The following DAP variants were observed in gnomAD, a reference collection of about 807,000 sequenced individuals.
DAP encodes the protein death associated protein.
DAP carries 8 observed loss-of-function variants against 13.8 expected under a neutral mutation model. That is an observed-to-expected ratio of 0.58 (90% confidence interval 0.34 to 1.05). The LOEUF is 1.05. Among genes scored for constraint, DAP ranks in the 50% least tolerant of loss-of-function variants. The pLI is 0.03. For synonymous variants in DAP, 47 were observed against 47.5 expected (o/e 0.99, Z 0.04); for missense variants, 106 against 133.2 (o/e 0.80, Z 1.01).
At chr5:10,739,132 G>A (rs1425617173) in intron 2 of DAP, among the ~76,000 whole-genome samples, 1 of 149,836 alleles carries the variant, frequency 6.7e-6, no homozygotes, top group Non-Finnish European at 1.5e-5. Flanking sequence ...AACCTGGGAG[G>A]TGGAGCTTGC....
At chr5:10,744,693 ACCTCC>A (rs1287240961) in intron 2 of DAP, among the ~76,000 whole-genome samples, 1 of 152,142 alleles carries the variant, frequency 6.6e-6, no homozygotes, top group Non-Finnish European at 1.5e-5. Context: ...TGGGTTGGAA[ACCTCC>A]CTAAGCTTTG....
At chr5:10,732,846 T>C (rs56271043) in intron 2 of DAP, among the ~76,000 whole-genome samples, 13,923 of 152,276 alleles carry the variant, frequency 0.091, 895 homozygotes, top group African/African-American at 0.18. Flanking sequence ...CCATTTTAAG[T>C]GTACAGCTTA....
chr5:10,689,888 A>AGT (rs1491096146), intron 2 of DAP, among the ~76,000 whole-genome samples: 3 of 152,082 alleles, frequency 2.0e-5, no homozygotes, highest in African/African-American at 7.3e-5. Flanking sequence ...AATGTCACTC[A>AGT]GTGGCAAGCT....
intron 2 of DAP, among the ~76,000 whole-genome samples, chr5:10,737,283 T>G (rs1739635491): frequency 6.6e-6 from 1 of 151,470 alleles, no homozygotes; most frequent in South Asian, 2.1e-4. Context: ...GAGGTAGAGC[T>G]TGCAGTGAGC....
chr5:10,752,071 A>C (rs899215111), intron 1 of DAP, among the ~76,000 whole-genome samples: 8 of 152,264 alleles, frequency 5.3e-5, no homozygotes, highest in Non-Finnish European at 8.8e-5. Context: ...ACTAACTATA[A>C]AGAAAACTAA....
chr5:10,680,650 C>T lies in DAP; in HGVS notation c.*406G>A. ...CCCACAGGTGTTGAGATTTTATTGG[C>T]CCATACTAAAAAGCATGCAATGACT... On this transcript the variant is annotated 3_prime_UTR_variant, in exon 4 of 4. Coordinates refer to ENST00000230895, the MANE Select transcript of DAP (RefSeq NM_004394.3). The T allele has an allele frequency of 7.9e-7, 1 of 1,259,808 alleles. No homozygotes were observed. Among genetic ancestry groups the T allele is most frequent in the Non-Finnish European group, 1.1e-6 (1 of 917,036 alleles). 78.0% of individuals were successfully genotyped at this position (1,259,808 alleles called of 1,614,324 possible).
At chr5:10,697,927 T>A (rs1449323051) in intron 2 of DAP, among the ~76,000 whole-genome samples, 3 of 152,172 alleles carry the variant, frequency 2.0e-5, no homozygotes, top group African/African-American at 7.2e-5. Context: ...GCCAGGTGTC[T>A]GGCTGGAAAG....
At chr5:10,754,188 G>C (rs1740118964) in intron 1 of DAP, among the ~76,000 whole-genome samples, 2 of 152,220 alleles carry the variant, frequency 1.3e-5, no homozygotes, top group African/African-American at 2.4e-5. Context: ...AGAGGATAAA[G>C]GGGTGAGAGG....
intron 2 of DAP, among the ~76,000 whole-genome samples, chr5:10,699,283 C>G (rs1738507014): frequency 6.6e-6 from 1 of 152,242 alleles, no homozygotes; most frequent in African/African-American, 2.4e-5. Flanking sequence ...ATCTCTGGAG[C>G]ATCTCCTACT....
intron 1 of DAP, among the ~76,000 whole-genome samples, chr5:10,758,518 G>GC (rs1211891089): frequency 6.6e-6 from 1 of 152,092 alleles, no homozygotes; most frequent in East Asian, 1.9e-4. Flanking sequence ...ACAGCCACCC[G>GC]CAAGAGCTCA....
intron 2 of DAP, among the ~76,000 whole-genome samples, chr5:10,687,849 T>A (rs1418195987): frequency 3.9e-5 from 6 of 152,142 alleles, no homozygotes; most frequent in South Asian, 4.1e-4. Flanking sequence ...AGAGAAATCT[T>A]TCTTTCCTGA....
chr5:10,717,569 G>A (rs1040682528), intron 2 of DAP, among the ~76,000 whole-genome samples: 1 of 152,160 alleles, frequency 6.6e-6, no homozygotes, highest in Non-Finnish European at 1.5e-5. Context: ...ACCTCTGTCT[G>A]AGGAGATAAA....
chr5:10,732,924 T>C (rs1285792128), intron 2 of DAP, among the ~76,000 whole-genome samples: 1 of 152,242 alleles, frequency 6.6e-6, no homozygotes, highest in South Asian at 2.1e-4. Flanking sequence ...GCAAATCTGA[T>C]ACTCTGTACA....
intron 2 of DAP, among the ~76,000 whole-genome samples, chr5:10,693,185 T>G (rs1480286490): frequency 6.6e-6 from 1 of 151,676 alleles, no homozygotes; most frequent in Non-Finnish European, 1.5e-5. Flanking sequence ...GGGAATCTGG[T>G]CAAATCTCTG....
chr5:10,747,539 C>G (rs979138142), intron 2 of DAP, among the ~76,000 whole-genome samples: 1 of 152,240 alleles, frequency 6.6e-6, no homozygotes, highest in Admixed American at 6.5e-5. Context: ...GCCCCAGCTA[C>G]ACAGACAGCC....
At chr5:10,709,459 G>A (rs559716864) in intron 2 of DAP, among the ~76,000 whole-genome samples, 1 of 152,314 alleles carries the variant, frequency 6.6e-6, no homozygotes, top group African/African-American at 2.4e-5. Context: ...CCCACCACTG[G>A]GGAGAGCTTG....
chr5:10,758,261 A>C (rs183445406), intron 1 of DAP, among the ~76,000 whole-genome samples: 1 of 151,138 alleles, frequency 6.6e-6, no homozygotes, highest in Non-Finnish European at 1.5e-5. Context: ...ACTCTCTGGC[A>C]ATGCCAGACT....
chr5:10,715,340 G>A (rs1226728524), intron 2 of DAP, among the ~76,000 whole-genome samples: 1 of 152,172 alleles, frequency 6.6e-6, no homozygotes, highest in Non-Finnish European at 1.5e-5. Context: ...GACAGCAACA[G>A]GAGCAACTTC....
At chr5:10,736,412 G>T (rs1011469925) in intron 2 of DAP, among the ~76,000 whole-genome samples, 3 of 152,144 alleles carry the variant, frequency 2.0e-5, no homozygotes, top group African/African-American at 7.2e-5. Flanking sequence ...CTGCCATTAG[G>T]ACAGCCTGCA....
Sources: gnomAD v4.1 joint callset for allele counts (sites outside exome capture counted in the v4.1 genomes callset) on GRCh38, gnomAD v4.1.1 for gene constraint, MANE v1.5 for transcripts, NCBI Gene and HGNC (gene_info 2026-07-23, HGNC 2026-07-21) for gene names.